ACOT12: variants seen among roughly 807,000 people sequenced by gnomAD.
ACOT12 encodes acetyl-coenzyme A thioesterase.
In ACOT12, 51 loss-of-function variants were observed where a neutral mutation model predicts 67.7. The ratio of observed to expected loss-of-function variants is 0.75; its 90% CI spans 0.60 to 0.95. The LOEUF is 0.95. Among genes scored for constraint, ACOT12 ranks in the 40% least tolerant of loss-of-function variants. The probability of loss-of-function intolerance (pLI) is 0.00; values close to 1 mark genes in which losing one functional copy is unlikely to be tolerated. For missense variants in ACOT12, 734 were observed against 708.1 expected (o/e 1.04, Z -0.41); for synonymous variants, 251 against 244.6 (o/e 1.03, Z -0.24).
intron 2 of ACOT12, among the ~76,000 whole-genome samples, chr5:81,378,147 A>G (rs576066448): frequency 2.0e-5 from 3 of 152,332 alleles, no homozygotes; most frequent in African/African-American, 7.2e-5. Context: ...TATATAGACC[A>G]ATGGAACAGA....
At position 81,352,245 on chromosome 5, in the gene ACOT12, C is replaced by T. The variant is rs577679734; in HGVS notation, c.497-4315G>A. Among the ~76,000 whole-genome samples, 4 of 152,280 alleles carry T rather than the reference C, an allele frequency of 2.6e-5. No individual in the cohort carries two copies. In the South Asian group the frequency reaches 6.2e-4, roughly 24 times the overall value. ...AGAACTATCATCAGATCCAGCAATCCCATTGCTGGGTATACACCCAAAAGA... is the reference window on the plus strand; with the variant it reads ...AGAACTATCATCAGATCCAGCAATCTCATTGCTGGGTATACACCCAAAAGA... On this transcript the variant is annotated intron_variant, in intron 5 of 14. Coordinates refer to ENST00000307624, the MANE Select transcript of ACOT12 (RefSeq NM_130767.3).
intron 2 of ACOT12, among the ~76,000 whole-genome samples, chr5:81,380,840 T>C (rs1381268212): frequency 6.6e-6 from 1 of 152,106 alleles, no homozygotes; most frequent in Non-Finnish European, 1.5e-5. Flanking sequence ...CTTCATTAGG[T>C]GATTTTGTTG....
chr5:81,320,601 C>T, the ACOT12 span, among the ~76,000 whole-genome samples: 2 of 152,080 alleles, frequency 1.3e-5, 1 homozygote, highest in Non-Finnish European at 2.9e-5. Flanking sequence ...TGGCAGCCCT[C>T]GACTACAACC....
At chr5:81,365,057 T>C (rs1760034599) in intron 3 of ACOT12, among the ~76,000 whole-genome samples, 1 of 152,202 alleles carries the variant, frequency 6.6e-6, no homozygotes, top group Admixed American at 6.5e-5. Flanking sequence ...GATTTCCCCC[T>C]GTGTGAAGAG....
the ACOT12 span, among the ~76,000 whole-genome samples, chr5:81,320,820 A>G: frequency 6.6e-6 from 1 of 152,232 alleles, no homozygotes; most frequent in African/African-American, 2.4e-5. Flanking sequence ...TTGGGCCACT[A>G]TAACCAAATA....
At chr5:81,390,109 C>T (rs1760825918) in intron 1 of ACOT12, among the ~76,000 whole-genome samples, 1 of 150,372 alleles carries the variant, frequency 6.7e-6, no homozygotes, top group Admixed American at 6.6e-5. Context: ...TACATGCTAC[C>T]ATGCCTGGCT....
At chr5:81,310,546 G>C in the ACOT12 span, among the ~76,000 whole-genome samples, 1 of 151,970 alleles carries the variant, frequency 6.6e-6, no homozygotes, top group East Asian at 1.9e-4. Flanking sequence ...TTAACATTTC[G>C]AGCATGATCA....
chr5:81,318,396 T>G, the ACOT12 span, among the ~76,000 whole-genome samples: 1 of 152,348 alleles, frequency 6.6e-6, no homozygotes, highest in African/African-American at 2.4e-5. Flanking sequence ...CAATGATCCT[T>G]ATGTATATCC....
At chr5:81,368,657 A>G (rs1760153463) in intron 3 of ACOT12, among the ~76,000 whole-genome samples, 1 of 152,104 alleles carries the variant, frequency 6.6e-6, no homozygotes, top group Non-Finnish European at 1.5e-5. Context: ...AGGTAAAGCA[A>G]TATATTGAAG....
intron 3 of ACOT12, among the ~76,000 whole-genome samples, chr5:81,369,469 G>A (rs1255254700): frequency 2.0e-5 from 3 of 152,154 alleles, no homozygotes; most frequent in Admixed American, 6.5e-5. Context: ...AAATAAAAAT[G>A]TTTAGTTGGC....
chr5:81,343,731 C>T (rs1759278413), intron 10 of ACOT12, 87 bp downstream of exon 10: 1 of 1,345,918 alleles, frequency 7.4e-7, no homozygotes, highest in Admixed American at 2.1e-5. Context: ...CCTGCGTAGG[C>T]ACAGCCTAGG....
chr5:81,330,662 C>T, intron 14 of ACOT12, 119 bp from the exon 15 acceptor site: 1 of 1,477,628 alleles, frequency 6.8e-7, no homozygotes, highest in Non-Finnish European at 9.1e-7. Flanking sequence ...GGGGGACCTT[C>T]TGGAATAGAT....
the ACOT12 span, among the ~76,000 whole-genome samples, chr5:81,317,503 A>C: frequency 8.2e-4 from 61 of 74,356 alleles, no homozygotes; most frequent in African/African-American, 2.4e-3. Context: ...CTCCATCCCA[A>C]AAAAAAAAAA....
At chr5:81,355,092 C>A (rs1236679932) in intron 5 of ACOT12, among the ~76,000 whole-genome samples, 1 of 152,170 alleles carries the variant, frequency 6.6e-6, no homozygotes, top group East Asian at 1.9e-4. Flanking sequence ...CAGGCTATTT[C>A]TTTCATCCTT....
chr5:81,376,149 A>G (rs939101731), intron 2 of ACOT12, among the ~76,000 whole-genome samples: 5 of 152,174 alleles, frequency 3.3e-5, no homozygotes, highest in Admixed American at 6.5e-5. Context: ...CTCTCAGACC[A>G]CAGTGCAATC....
rs533823407 is a variant in ACOT12 at position 81,393,089 on chromosome 5, G to C, written c.127+899C>G. On this transcript the variant is annotated intron_variant, in intron 1 of 14. Transcript: ENST00000307624. The stretch of plus-strand genomic sequence containing the variant: ...AATTCAGTCCTTAATAAATGTTTTT[G>C]CCATTTTTACTGTCATTCTGTCACA... Among the ~76,000 whole-genome samples, 12 of 152,262 alleles carry C rather than the reference G, an allele frequency of 7.9e-5. No individual in the cohort carries two copies. In the South Asian group the frequency reaches 2.5e-3, roughly 32 times the overall value.
chr5:81,387,532 C>CTTTTTTTT (rs71000823), intron 1 of ACOT12, among the ~76,000 whole-genome samples: 1 of 127,274 alleles, frequency 7.9e-6, no homozygotes. Flanking sequence ...TCTTGAGTAT[C>CTTTTTTTT]TTTTTTTTTT....
intron 4 of ACOT12, among the ~76,000 whole-genome samples, chr5:81,361,532 T>C (rs1759909508): frequency 6.6e-6 from 1 of 152,150 alleles, no homozygotes; most frequent in South Asian, 2.1e-4. Context: ...GTTGTTTTAG[T>C]TGTGTGACTA....
intron 11 of ACOT12, among the ~76,000 whole-genome samples, chr5:81,341,706 A>T (rs372121025): frequency 6.6e-6 from 1 of 152,186 alleles, no homozygotes; most frequent in Admixed American, 6.5e-5. Flanking sequence ...TATTGTGGGC[A>T]TGAGCTTCCG....
Sources: allele counts gnomAD v4.1 joint callset (sites outside exome capture counted in the v4.1 genomes callset), GRCh38; gene constraint gnomAD v4.1.1; transcripts MANE v1.5; gene names NCBI Gene and HGNC (gene_info 2026-07-23, HGNC 2026-07-21).